Variants in CALN1 observed in about 807,000 individuals in gnomAD.
CALN1 encodes calcium-binding protein 8.
A neutral mutation model predicts 30.6 loss-of-function variants in CALN1; 17 were observed. That is an observed-to-expected ratio of 0.56 (90% CI 0.38 to 0.83). CALN1 has a LOEUF of 0.83. Ranked by LOEUF, CALN1 falls within the 40% of genes least tolerant of loss-of-function variation. The pLI is 0.00. For missense variants in CALN1, 291 were observed against 354.9 expected (o/e 0.82, Z 1.45); for synonymous variants, 156 against 131.4 (o/e 1.19, Z -1.28).
chr7:72,242,435 G>A (rs925058712), intron 3 of CALN1, among the ~76,000 whole-genome samples: 14 of 152,208 alleles, frequency 9.2e-5, no homozygotes, highest in Middle Eastern at 3.4e-3. Flanking sequence ...GAGTAAGAGA[G>A]AACAACTCAT....
chr7:71,788,497 T>TTG (rs1554336522), intron 6 of CALN1, among the ~76,000 whole-genome samples: 1 of 148,660 alleles, frequency 6.7e-6, no homozygotes, highest in African/African-American at 2.6e-5. Flanking sequence ...TGTTGTTTTT[T>TTG]TTTTTTTTTT....
At chr7:71,956,226 G>A (rs772684265) in intron 5 of CALN1, among the ~76,000 whole-genome samples, 8 of 151,878 alleles carry the variant, frequency 5.3e-5, no homozygotes, top group East Asian at 3.9e-4. Context: ...GACCTCAAGC[G>A]ATCCTCACTC....
chr7:72,343,533 C>T (rs538205248), intron 2 of CALN1, among the ~76,000 whole-genome samples: 6 of 138,126 alleles, frequency 4.3e-5, no homozygotes, highest in Non-Finnish European at 7.7e-5. Flanking sequence ...GGTGACAGAG[C>T]GAGATTCTGT....
intron 3 of CALN1, among the ~76,000 whole-genome samples, chr7:72,206,095 A>C (rs1453081845): frequency 3.9e-5 from 6 of 152,142 alleles, no homozygotes; most frequent in Admixed American, 3.9e-4. Flanking sequence ...TCAAGGGCTC[A>C]CTCACCATTT....
intron 5 of CALN1, among the ~76,000 whole-genome samples, chr7:72,013,924 G>T (rs1452742648): frequency 3.3e-5 from 5 of 151,884 alleles, no homozygotes; most frequent in Admixed American, 6.6e-5. Context: ...AAATCACAGG[G>T]TTTGAACATA....
chr7:72,331,120 C>A (rs778372901), intron 2 of CALN1, among the ~76,000 whole-genome samples: 1 of 152,232 alleles, frequency 6.6e-6, no homozygotes, highest in East Asian at 1.9e-4. Flanking sequence ...GAGGCCAAGG[C>A]AGGTAGATTA....
intron 5 of CALN1, among the ~76,000 whole-genome samples, chr7:71,850,652 C>T (rs901236471): frequency 5.9e-5 from 9 of 152,100 alleles, no homozygotes; most frequent in Non-Finnish European, 1.0e-4. Flanking sequence ...GGGATCTATA[C>T]TAAAGTAATA....
chr7:72,340,932 G>A (rs540119247), intron 2 of CALN1, among the ~76,000 whole-genome samples: 8 of 152,038 alleles, frequency 5.3e-5, no homozygotes, highest in East Asian at 1.9e-4. Context: ...GCCTTCCCCC[G>A]TGATTGTGAG....
At chr7:71,994,387 C>G (rs919454617) in intron 5 of CALN1, among the ~76,000 whole-genome samples, 1 of 151,846 alleles carries the variant, frequency 6.6e-6, no homozygotes, top group Non-Finnish European at 1.5e-5. Context: ...TGGTGGGTAC[C>G]TGTAATCCCA....
intron 2 of CALN1, among the ~76,000 whole-genome samples, chr7:72,302,932 G>T (rs1401786938): frequency 7.1e-6 from 1 of 141,352 alleles, no homozygotes; most frequent in African/African-American, 2.6e-5. Context: ...AAGAATCCGG[G>T]CCTGGTGGCA....
chr7:72,330,965 A>G (rs573961909), intron 2 of CALN1, among the ~76,000 whole-genome samples: 64 of 152,134 alleles, frequency 4.2e-4, no homozygotes, highest in Non-Finnish European at 7.5e-4. Flanking sequence ...CCACCAATTA[A>G]TAATCCTGCC....
At chr7:72,468,463 G>T in the CALN1 span, among the ~76,000 whole-genome samples, 1 of 152,150 alleles carries the variant, frequency 6.6e-6, no homozygotes, top group Non-Finnish European at 1.5e-5. Flanking sequence ...ACAGGCATGT[G>T]CCAACACTAC....
At chr7:71,790,828 T>C (rs373727928) in intron 6 of CALN1, among the ~76,000 whole-genome samples, 1 of 152,124 alleles carries the variant, frequency 6.6e-6, no homozygotes, top group East Asian at 1.9e-4. Context: ...TCTGATTCAG[T>C]AGGCCCGGAG....
chr7:72,046,785 AG>A (rs1802501452), intron 4 of CALN1, among the ~76,000 whole-genome samples: 1 of 150,814 alleles, frequency 6.6e-6, no homozygotes, highest in Non-Finnish European at 1.5e-5. Context: ...CTATAATCCC[AG>A]CACTCTGGGA....
chr7:72,162,481 C>T (rs561012371), intron 3 of CALN1, among the ~76,000 whole-genome samples: 8 of 152,122 alleles, frequency 5.3e-5, no homozygotes, highest in Non-Finnish European at 8.8e-5. Context: ...TAGCTGTGGT[C>T]CTGGCACTTT....
chr7:72,482,565 C>A, the CALN1 span, among the ~76,000 whole-genome samples: 1 of 151,926 alleles, frequency 6.6e-6, no homozygotes, highest in Non-Finnish European at 1.5e-5. Context: ...TTCTTTATGA[C>A]AGTCTACCTT....
intron 2 of CALN1, among the ~76,000 whole-genome samples, chr7:72,401,438 G>C (rs1247016573): frequency 6.6e-6 from 1 of 152,106 alleles, no homozygotes; most frequent in Non-Finnish European, 1.5e-5. Flanking sequence ...GGAATGTGTG[G>C]ATACATCCCC....
At chr7:71,793,527 C>T (rs1212895146) in intron 6 of CALN1, among the ~76,000 whole-genome samples, 1 of 152,152 alleles carries the variant, frequency 6.6e-6, no homozygotes, top group Non-Finnish European at 1.5e-5. Flanking sequence ...TTTGAGCAAG[C>T]AAATTTCCCT....
Position 72,115,540 on chromosome 7 carries a change from G to A in CALN1, c.245-9246C>T, listed in dbSNP as rs1036811274. Among the ~76,000 whole-genome samples the A allele has an allele frequency of 9.1e-5, 12 of 132,550 alleles. No individual in the cohort carries two copies. The East Asian group carries it at 9.7e-4, about 11-fold the overall frequency. 87.0% of individuals were successfully genotyped at this position (132,550 alleles called of 152,430 possible). A position where few individuals can be genotyped will look rare whatever the true frequency, so the allele number is the denominator to read the frequency against. ...CACAGTGACTGTCACCCAGGCTGGA[G>A]CACAGTGGTGCGATCTCGACTCACT... On this transcript the variant is annotated intron_variant, in intron 3 of 6. Coordinates refer to ENST00000395275, the MANE Select transcript of CALN1 (RefSeq NM_031468.4).
Sources: allele counts gnomAD v4.1 joint callset (sites outside exome capture counted in the v4.1 genomes callset), GRCh38; gene constraint gnomAD v4.1.1; transcripts MANE v1.5; gene names NCBI Gene and HGNC (gene_info 2026-07-23, HGNC 2026-07-21).